MSR1: variants seen among roughly 807,000 people sequenced by gnomAD.
MSR1 encodes the protein macrophage scavenger receptor 1.
In MSR1, 53 loss-of-function variants were observed where a neutral mutation model predicts 47.2. The ratio of observed to expected loss-of-function variants is 1.12; its 90% CI spans 0.90 to 1.41. The LOEUF is 1.41. Ranked by LOEUF, MSR1 falls within the 40% of genes most tolerant of loss-of-function variation. The probability of loss-of-function intolerance (pLI) is 0.00; values close to 1 mark genes in which losing one functional copy is unlikely to be tolerated. For synonymous variants in MSR1, 239 were observed against 185.6 expected (o/e 1.29, Z -2.34); for missense variants, 786 against 546.9 (o/e 1.44, Z -4.36).
intron 8 of MSR1, among the ~76,000 whole-genome samples, chr8:16,128,812 TA>T (rs1384247481): frequency 6.6e-6 from 1 of 151,576 alleles, no homozygotes; most frequent in African/African-American, 2.4e-5. Flanking sequence ...ACACCTACTT[TA>T]AAAGCTGATT....
intron 5 of MSR1, among the ~76,000 whole-genome samples, chr8:16,158,859 A>G (rs1227902046): frequency 2.0e-5 from 3 of 148,648 alleles, no homozygotes; most frequent in East Asian, 2.0e-4. Context: ...TTCTTCCATT[A>G]TTCCTCAGCT....
At chr8:16,173,618 TA>T (rs1801552651) in intron 3 of MSR1, among the ~76,000 whole-genome samples, 2 of 152,296 alleles carry the variant, frequency 1.3e-5, no homozygotes, top group South Asian at 4.1e-4. Context: ...TTGTTACCTC[TA>T]GAAAATATTT....
chr8:16,145,586 G>A (rs1190850641), intron 7 of MSR1, among the ~76,000 whole-genome samples: 1 of 152,000 alleles, frequency 6.6e-6, no homozygotes, highest in Non-Finnish European at 1.5e-5. Flanking sequence ...CCCACGAAAG[G>A]TCCTTGTAGC....
intron 8 of MSR1, among the ~76,000 whole-genome samples, chr8:16,121,742 TA>T (rs1255482435): frequency 6.6e-6 from 1 of 151,868 alleles, no homozygotes; most frequent in African/African-American, 2.4e-5. Flanking sequence ...TGTTATATTA[TA>T]AAAAAGATGT....
chr8:16,164,044 A>G, intron 5 of MSR1, 21 bp downstream of exon 5: 1 of 1,572,230 alleles, frequency 6.4e-7, no homozygotes, highest in Middle Eastern at 1.9e-4. Flanking sequence ...CATTTTCTGG[A>G]GAAATGACAA....
intron 8 of MSR1, among the ~76,000 whole-genome samples, chr8:16,125,258 G>A (rs1241643882): frequency 6.6e-6 from 1 of 152,116 alleles, no homozygotes; most frequent in Admixed American, 6.5e-5. Flanking sequence ...TGGAATATTT[G>A]AATCTGCTTG....
intron 1 of MSR1, chr8:16,186,271 G>C: frequency 7.3e-7 from 1 of 1,360,630 alleles, no homozygotes; most frequent in South Asian, 1.3e-5. Flanking sequence ...CAACAGCAGA[G>C]TGAGCCAGGG....
At chr8:16,118,580 G>A (rs1380881308) in intron 9 of MSR1, among the ~76,000 whole-genome samples, 1 of 152,078 alleles carries the variant, frequency 6.6e-6, no homozygotes, top group Non-Finnish European at 1.5e-5. Context: ...TCAGGAGGCT[G>A]AGGAGGGAGA....
At chr8:16,145,888 G>A (rs1441112294) in intron 7 of MSR1, among the ~76,000 whole-genome samples, 3 of 152,066 alleles carry the variant, frequency 2.0e-5, no homozygotes, top group African/African-American at 7.2e-5. Flanking sequence ...CAAGGGCTTG[G>A]TCCAAACCTA....
intron 1 of MSR1, among the ~76,000 whole-genome samples, chr8:16,181,091 C>G (rs1339313616): frequency 6.6e-6 from 1 of 151,882 alleles, no homozygotes; most frequent in Non-Finnish European, 1.5e-5. Context: ...TTTTACTCAC[C>G]AAGCAAAACA....
In MSR1 at chr8:16,115,083, G is replaced by A. The variant is rs369552959; in HGVS notation, c.1223-4865C>T. ...AATCCCAGCTACTTGGGAGGCTGAG[G>A]TAGGAGAATCGCTTGAACCTGGGAG... On this transcript the variant is annotated intron_variant, in intron 9 of 9. Transcript: ENST00000262101. Among the ~76,000 whole-genome samples, 189 of 152,222 alleles carry A rather than the reference G, an allele frequency of 1.2e-3. 1 individual carries two copies. Among genetic ancestry groups the A allele is most frequent in the Non-Finnish European group, 2.4e-3 (161 of 67,988 alleles).
chr8:16,164,640 T>G (rs1415633046), intron 4 of MSR1, among the ~76,000 whole-genome samples: 1 of 151,950 alleles, frequency 6.6e-6, no homozygotes. Flanking sequence ...TTCGTGAATT[T>G]GATAGATTTA....
chr8:16,117,434 C>G (rs1029902303), intron 9 of MSR1, among the ~76,000 whole-genome samples: 47 of 152,048 alleles, frequency 3.1e-4, no homozygotes, highest in African/African-American at 1.1e-3. Flanking sequence ...CTTGTAGACT[C>G]ATATCAAAAA....
At chr8:16,112,943 G>GTT (rs71543671) in intron 9 of MSR1, among the ~76,000 whole-genome samples, 57 of 87,800 alleles carry the variant, frequency 6.5e-4, no homozygotes, top group South Asian at 2.5e-3. Flanking sequence ...TTTTTTTTAA[G>GTT]TTTTTTTTTT....
chr8:16,189,680 T>G (rs867555003), intron 1 of MSR1, among the ~76,000 whole-genome samples: 14 of 41,536 alleles, frequency 3.4e-4, no homozygotes, highest in African/African-American at 1.1e-3. Context: ...TATAAAATCT[T>G]ATTTTATATA....
chr8:16,175,118 C>T, intron 3 of MSR1, 69 bp downstream of exon 3: 2 of 1,268,492 alleles, frequency 1.6e-6, no homozygotes, highest in Non-Finnish European at 2.3e-6. Flanking sequence ...CTGAATGCTT[C>T]TTTTTTGCTT....
At chr8:16,154,653 T>C (rs1214795726) in intron 6 of MSR1, among the ~76,000 whole-genome samples, 2 of 151,984 alleles carry the variant, frequency 1.3e-5, no homozygotes, top group African/African-American at 2.4e-5. Context: ...AAAAATGAGA[T>C]AGCTTGCAAA....
At chr8:16,144,788 T>G (rs1800654883) in intron 7 of MSR1, among the ~76,000 whole-genome samples, 1 of 152,116 alleles carries the variant, frequency 6.6e-6, no homozygotes, top group African/African-American at 2.4e-5. Context: ...CTCCTAAAGC[T>G]TAGCTGGAAT....
At chr8:16,174,755 G>C (rs973450453) in intron 3 of MSR1, among the ~76,000 whole-genome samples, 1 of 152,106 alleles carries the variant, frequency 6.6e-6, no homozygotes. Flanking sequence ...ACTAAGAATA[G>C]AAGAGCTTCT....
Sources: allele counts gnomAD v4.1 joint callset (sites outside exome capture counted in the v4.1 genomes callset), GRCh38; gene constraint gnomAD v4.1.1; transcripts MANE v1.5; gene names NCBI Gene and HGNC (gene_info 2026-07-23, HGNC 2026-07-21).